The following TBCEL variants were observed in gnomAD, a reference collection of about 807,000 sequenced individuals.
The protein encoded by TBCEL is tubulin folding cofactor E like.
TBCEL carries 15 observed loss-of-function variants against 44.2 expected under a neutral mutation model. The ratio of observed to expected loss-of-function variants is 0.34; its 90% CI spans 0.23 to 0.52. The LOEUF (loss-of-function observed/expected upper bound fraction) is 0.52. Ranked by LOEUF, TBCEL falls within the 20% of genes least tolerant of loss-of-function variation. The pLI is 0.95. For synonymous variants in TBCEL, 171 were observed against 185.4 expected (o/e 0.92, Z 0.63); for missense variants, 319 against 506.3 (o/e 0.63, Z 3.55).
intron 6 of TBCEL, among the ~76,000 whole-genome samples, chr11:121,056,334 T>C (rs989509977): frequency 6.6e-6 from 1 of 151,868 alleles, no homozygotes; most frequent in Admixed American, 6.6e-5. Flanking sequence ...TGCTGAATAC[T>C]ATTCCATTTT....
chr11:121,028,569 C>A (rs1168288607), intron 1 of TBCEL, among the ~76,000 whole-genome samples: 2 of 152,142 alleles, frequency 1.3e-5, no homozygotes, highest in Non-Finnish European at 2.9e-5. Flanking sequence ...GATAATAGTA[C>A]CCCTTATAAA....
intron 4 of TBCEL, among the ~76,000 whole-genome samples, chr11:121,051,983 A>G (rs754860923): frequency 6.6e-5 from 10 of 151,700 alleles, no homozygotes; most frequent in Non-Finnish European, 1.0e-4. Flanking sequence ...CTCTTTTGGC[A>G]TTACTTCTGG....
chr11:121,065,884 T>C (rs1273517572), intron 8 of TBCEL, among the ~76,000 whole-genome samples: 2 of 152,242 alleles, frequency 1.3e-5, no homozygotes, highest in Non-Finnish European at 2.9e-5. Context: ...TCAACACTAA[T>C]ATGATATTTA....
intron 8 of TBCEL, among the ~76,000 whole-genome samples, chr11:121,067,079 T>G (rs1336488805): frequency 1.3e-5 from 2 of 152,234 alleles, no homozygotes; most frequent in African/African-American, 4.8e-5. Context: ...GAAATAGCTC[T>G]AATTAACTTT....
At position 121,087,387 on chromosome 11, in the gene TBCEL, G is replaced by A. The variant is rs997679215; in HGVS notation, c.*291G>A. 4.4e-5 allele frequency: 16 copies of A among 364,538 alleles called. No homozygotes were observed. Among genetic ancestry groups the A allele is most frequent in the African/African-American group, 3.3e-4 (16 of 48,006 alleles). The allele number at this position is 364,538 out of a possible 1,614,324, so 22.6% of individuals were successfully genotyped here. A position where few individuals can be genotyped will look rare whatever the true frequency, so the allele number is the denominator to read the frequency against. ...ACCGACTTCTTACTGTGTTCACTGG[G>A]ATTTGCCTGCCACTTGGTTATCATT... On this transcript the variant is annotated 3_prime_UTR_variant, in exon 9 of 9. Coordinates refer to ENST00000683345, the MANE Select transcript of TBCEL (RefSeq NM_001363644.2).
At position 121,053,551 on chromosome 11, in the gene TBCEL, G is replaced by A. The variant is rs376267533; in HGVS notation, c.274G>A (p.Val92Ile). 430 of 1,611,194 alleles carry A rather than the reference G, an allele frequency of 2.7e-4. No homozygotes were observed. Among genetic ancestry groups the A allele is most frequent in the Non-Finnish European group, 3.5e-4 (418 of 1,178,394 alleles). ...SDNKLEDWHEVSKIVSNVPQL... is the reference protein window; with the variant it reads ...SDNKLEDWHEISKIVSNVPQL... ...AATGCTTTTCTTTTTTTCTCCTTAG[G>A]TCAGTAAAATTGTGTCAAATGTTCC... Residue 92 changes from valine (V) to isoleucine (I), a missense_variant and splice_region_variant, in exon 5 of 9, where the codon GTC becomes ATC. Transcript: ENST00000683345.
intron 1 of TBCEL, among the ~76,000 whole-genome samples, chr11:121,028,161 C>A (rs1945079414): frequency 6.6e-6 from 1 of 152,004 alleles, no homozygotes; most frequent in Admixed American, 6.6e-5. Context: ...TATGATTACA[C>A]CATTGCACTC....
At chr11:121,041,614 G>A (rs1945334614) in intron 2 of TBCEL, among the ~76,000 whole-genome samples, 1 of 152,030 alleles carries the variant, frequency 6.6e-6, no homozygotes, top group Non-Finnish European at 1.5e-5. Context: ...AAATGTCATA[G>A]ATTACCCTCC....
intron 3 of TBCEL, among the ~76,000 whole-genome samples, chr11:121,047,235 T>G (rs1231715029): frequency 5.9e-5 from 9 of 152,052 alleles, no homozygotes; most frequent in Non-Finnish European, 1.3e-4. Context: ...GATGATAGCG[T>G]GGATGAGGGC....
intron 8 of TBCEL, among the ~76,000 whole-genome samples, chr11:121,072,763 G>A (rs545222227): frequency 1.3e-5 from 2 of 151,774 alleles, no homozygotes; most frequent in South Asian, 2.1e-4. Flanking sequence ...TATTCTTATT[G>A]CATCTTTTTA....
intron 1 of TBCEL, among the ~76,000 whole-genome samples, chr11:121,028,206 A>T (rs893151311): frequency 6.6e-5 from 10 of 151,264 alleles, no homozygotes; most frequent in African/African-American, 2.2e-4. Context: ...ACTGTTTAAA[A>T]AAATAAATAA....
intron 4 of TBCEL, among the ~76,000 whole-genome samples, chr11:121,051,915 A>G (rs536945409): frequency 1.3e-5 from 2 of 151,848 alleles, no homozygotes; most frequent in South Asian, 4.2e-4. Flanking sequence ...TACACAGTAG[A>G]TCTGATGTAA....
rs537432362 is a variant in TBCEL, at chr11:121,086,874, C to T, written c.1053C>T (p.Asn351=). The T allele has an allele frequency of 1.5e-5, 25 of 1,613,982 alleles. No individual in the cohort carries two copies. The highest frequency in any genetic ancestry group is 4.0e-5 in the African/African-American group (3 of 75,014). The stretch of plus-strand genomic sequence containing the variant: ...GTGCAAAAGTAGAAGTCCACTTTAA[C>T]GATCAGGTGGAAGAAATGAGCATTC... The part of the protein sequence containing the change: ...QSSAKVEVHF[N]DQVEEMSIRL... Residue 351 remains asparagine (N), a synonymous_variant, in exon 9 of 9, where the codon AAC becomes AAT. Transcript: ENST00000683345.
intron 8 of TBCEL, among the ~76,000 whole-genome samples, chr11:121,079,058 C>CA (rs1225629971): frequency 6.6e-6 from 1 of 152,104 alleles, no homozygotes; most frequent in African/African-American, 2.4e-5. Flanking sequence ...ATAGTTGAAA[C>CA]AAATGTAGTT....
intron 8 of TBCEL, among the ~76,000 whole-genome samples, chr11:121,063,318 A>C (rs1011489053): frequency 6.6e-6 from 1 of 152,188 alleles, no homozygotes. Context: ...GGACTCTTCA[A>C]TATCTACGCA....
At chr11:121,031,731 C>G (rs1591378090) in intron 1 of TBCEL, among the ~76,000 whole-genome samples, 1 of 123,124 alleles carries the variant, frequency 8.1e-6, no homozygotes, top group Non-Finnish European at 1.6e-5. Flanking sequence ...GTGGTATGAT[C>G]TCTGCTCACT....
intron 8 of TBCEL, among the ~76,000 whole-genome samples, chr11:121,069,748 T>C (rs535990451): frequency 1.3e-5 from 2 of 151,812 alleles, no homozygotes; most frequent in Admixed American, 6.6e-5. Context: ...GCCAAGATTG[T>C]GCCGCTGCAC....
rs1946252780 is a variant in TBCEL, at chr11:121,088,813, A to G, written c.*1717A>G. 6.6e-6 allele frequency: 1 copy of G among 152,156 alleles called. No individual in the cohort carries two copies. The highest frequency in any genetic ancestry group is 2.1e-4 in the South Asian group (1 of 4,824). The allele number at this position is 152,156 out of a possible 1,614,324, so 9.4% of individuals were successfully genotyped here. A position where few individuals can be genotyped will look rare whatever the true frequency, so the allele number is the denominator to read the frequency against. On this transcript the variant is annotated 3_prime_UTR_variant, in exon 9 of 9. Transcript: ENST00000683345. The stretch of plus-strand genomic sequence containing the variant: ...TCTGTAAAGCCTTTGACCCAGGCCT[A>G]CTGAGTCAAATCTACATTCAGTGTA...
rs1021485598 is a variant in TBCEL, at chr11:121,054,921, A to G, written c.456-131A>G. The G allele has an allele frequency of 9.4e-6, 9 of 954,740 alleles. No homozygotes were observed. In the Admixed American group the frequency reaches 1.9e-4, roughly 20 times the overall value. The allele number at this position is 954,740 out of a possible 1,614,324, so 59.1% of individuals were successfully genotyped here. The stretch of plus-strand genomic sequence containing the variant: ...TTGAACTTCAGGAAGACATCTTGGT[A>G]TTTTCTCCACAATTCCTAGCAGAGT... On this transcript the variant is annotated intron_variant, in intron 5 of 8. Transcript: ENST00000683345.
Sources: allele counts gnomAD v4.1 joint callset (sites outside exome capture counted in the v4.1 genomes callset), GRCh38; gene constraint gnomAD v4.1.1; transcripts MANE v1.5; gene names NCBI Gene and HGNC (gene_info 2026-07-23, HGNC 2026-07-21).